Variants in LRFN1 observed in about 807,000 individuals in gnomAD.
LRFN1 encodes leucine-rich repeat and fibronectin type III domain-containing protein 1.
LRFN1 carries 20 observed loss-of-function variants against 31.8 expected under a neutral mutation model. The ratio of observed to expected loss-of-function variants is 0.63; its 90% CI spans 0.44 to 0.91. The LOEUF (loss-of-function observed/expected upper bound fraction) is 0.91. Ranked by LOEUF, LRFN1 falls within the 40% of genes least tolerant of loss-of-function variation. The probability of loss-of-function intolerance (pLI) is 0.00; values close to 1 mark genes in which losing one functional copy is unlikely to be tolerated. For missense variants in LRFN1, 912 were observed against 1,129.8 expected (o/e 0.81, Z 2.76); for synonymous variants, 514 against 541.3 (o/e 0.95, Z 0.70).
At chr19:39,311,171 T>C (rs1403256695) in intron 4 of LRFN1, among the ~76,000 whole-genome samples, 1 of 152,138 alleles carries the variant, frequency 6.6e-6, no homozygotes, top group East Asian at 1.9e-4. Flanking sequence ...GCTGCAGAAT[T>C]AAAGCAAGCA....
intron 1 of LRFN1, among the ~76,000 whole-genome samples, chr19:39,320,268 C>T (rs1384490545): frequency 6.6e-6 from 1 of 151,548 alleles, no homozygotes; most frequent in African/African-American, 2.4e-5. Context: ...CTGCCGTGGA[C>T]TCACAGATAC....
Position 39,314,732 on chromosome 19 carries a change from G to A in LRFN1, c.605C>T (p.Ala202Val), listed in dbSNP as rs748368845. 1 of 1,613,200 alleles carries A rather than the reference G, an allele frequency of 6.2e-7. No homozygotes were observed. Among genetic ancestry groups the A allele is most frequent in the Non-Finnish European group, 8.5e-7 (1 of 1,179,502 alleles). The change falls in exon 4 of 5, where the codon GCG (alanine) becomes GTG (valine). Residue 202 changes from alanine to valine, a missense_variant. Around this residue, in one of 2 missense-constraint regions of LRFN1, gnomAD observed 401 missense variants for 572.7 expected, o/e 0.70. Transcript: ENST00000248668. ...GTGAAGCTGCACGAAGGTCCCCTCC[G>A]CGATGTGGTCGATGAGGTTGTGGTC... ...TLDHNLIDHI[A>V]EGTFVQLHKL...
chr19:39,316,797 C>G (rs551492408), intron 2 of LRFN1, among the ~76,000 whole-genome samples: 3 of 152,104 alleles, frequency 2.0e-5, no homozygotes, highest in Non-Finnish European at 4.4e-5. Context: ...CTGCAGCCCA[C>G]GACATGTCAG....
intron 1 of LRFN1, among the ~76,000 whole-genome samples, chr19:39,319,281 C>G (rs558649783): frequency 1.3e-5 from 2 of 152,210 alleles, no homozygotes; most frequent in African/African-American, 4.8e-5. Flanking sequence ...CTTGCACACT[C>G]ACCAGCACAC....
intron 4 of LRFN1, among the ~76,000 whole-genome samples, chr19:39,310,200 C>T (rs1311590217): frequency 6.6e-6 from 1 of 152,206 alleles, no homozygotes; most frequent in African/African-American, 2.4e-5. Flanking sequence ...TCAGGTGATC[C>T]ATCCGCCTCG....
chr19:39,314,021 A>G lies in LRFN1; in HGVS notation c.1316T>C (p.Leu439Pro), dbSNP rs2075160488. 1 of 1,611,940 alleles carries G rather than the reference A, an allele frequency of 6.2e-7. No individual in the cohort carries two copies. The change falls in exon 4 of 5, where the codon CTC (leucine) becomes CCC (proline). Residue 439 changes from leucine (L) to proline (P), a missense_variant. Leu to Pro is a moderately conservative substitution (Grantham distance 98). Around this residue, in one of 2 missense-constraint regions of LRFN1, gnomAD observed 511 missense variants for 557.0 expected, o/e 0.92. Coordinates refer to ENST00000248668, the MANE Select transcript of LRFN1 (RefSeq NM_020862.2). ...AGGCCTCTGGGCTGGCCAGCGGATG[A>G]GCACGGAGTTCGAGGTGAGCTCGGC... ...VAAELTSNSV[L>P]IRWPAQRPVP... is the part of the protein sequence containing the mutation.
chr19:39,317,314 G>A (rs2075175097), intron 2 of LRFN1, among the ~76,000 whole-genome samples: 1 of 152,214 alleles, frequency 6.6e-6, no homozygotes, highest in East Asian at 1.9e-4. Flanking sequence ...CCGGATCGGG[G>A]TGTCCTACCA....
At chr19:39,310,757 A>G (rs1199406618) in intron 4 of LRFN1, among the ~76,000 whole-genome samples, 2 of 151,954 alleles carry the variant, frequency 1.3e-5, no homozygotes, top group African/African-American at 4.8e-5. Flanking sequence ...AGGCCTGCTT[A>G]TCTCTCCGAT....
chr19:39,307,419 G>A lies in LRFN1; in HGVS notation c.*214C>T, dbSNP rs1193936180. On this transcript the variant is annotated 3_prime_UTR_variant, in exon 5 of 5. Coordinates refer to ENST00000248668, the MANE Select transcript of LRFN1 (RefSeq NM_020862.2). The surrounding 1 kb of genome is among the most constrained non-coding windows in gnomAD (Gnocchi z 6.7). ...GGGTCGAGGAGTCCATAGGGGAAGG[G>A]AGGCCGGCAGCCGGTCCCCGAACCC... 1 of 460,084 alleles carries A rather than the reference G, an allele frequency of 2.2e-6. No individual in the cohort carries two copies. Among genetic ancestry groups the A allele is most frequent in the East Asian group, 3.5e-5 (1 of 28,214 alleles). 28.5% of individuals were successfully genotyped at this position (460,084 alleles called of 1,614,324 possible). A position where few individuals can be genotyped will look rare whatever the true frequency, so the allele number is the denominator to read the frequency against.
At chr19:39,311,646 C>T (rs923834177) in intron 4 of LRFN1, among the ~76,000 whole-genome samples, 8 of 152,160 alleles carry the variant, frequency 5.3e-5, no homozygotes, top group Non-Finnish European at 7.3e-5. Context: ...GGGGTCATCA[C>T]GCCTTCATAG....
At chr19:39,313,286 T>C (rs2075157285) in intron 4 of LRFN1, among the ~76,000 whole-genome samples, 2 of 152,184 alleles carry the variant, frequency 1.3e-5, no homozygotes, top group South Asian at 2.1e-4. Flanking sequence ...ATCCCAGCAA[T>C]TTAGGAGGCC....
rs763700642 is a variant in LRFN1 at position 39,314,803 on chromosome 19, C to T, written c.534G>A (p.Pro178=). 6 of 1,613,122 alleles carry T rather than the reference C, an allele frequency of 3.7e-6. No homozygotes were observed. The highest frequency in any genetic ancestry group is 2.2e-5 in the East Asian group (1 of 44,838). Reference sequence around the variant, plus strand: ...TCACCATCTGGCCCACCGCCTCCCACGGCAGGGCCTCCAGGTTGTTGTAGG... The same window carrying T: ...TCACCATCTGGCCCACCGCCTCCCATGGCAGGGCCTCCAGGTTGTTGTAGG... ...DLSYNNLEAL[P]WEAVGQMVNL... Residue 178 remains proline, a synonymous_variant, in exon 4 of 5, where the codon CCG becomes CCA. Coordinates refer to ENST00000248668, the MANE Select transcript of LRFN1 (RefSeq NM_020862.2).
rs71169583 is a variant in LRFN1, at chr19:39,309,478, CAAAAAAAAAAAA to C, written c.1407-948_1407-937del. On this transcript the variant is annotated intron_variant, in intron 4 of 4. Coordinates refer to ENST00000248668, the MANE Select transcript of LRFN1 (RefSeq NM_020862.2). ...ACTCTGTCTCAAAAAACAAACAAAC[CAAAAAAAAAAAA>C]AAAAAAAAAAAAAAAAACCATCTAG... Among the ~76,000 whole-genome samples, 203 of 32,002 alleles carry C rather than the reference CAAAAAAAAAAAA, an allele frequency of 6.3e-3. 4 individuals carry two copies. Among genetic ancestry groups the C allele is most frequent in the African/African-American group, 0.022 (149 of 6,832 alleles). The allele number at this position is 32,002 out of a possible 152,430, so 21.0% of individuals were successfully genotyped here.
At position 39,308,110 on chromosome 19, in the gene LRFN1, G is replaced by A; in HGVS notation, c.1839C>T (p.Ser613=). ...CGACGGCGACGGCGGGGGCAGCCTG[G>A]GACTCCACCTCGCGCAGCGCCTCGT... ...DHYEALREVE[S]QAAPAVAVEA... Residue 613 remains serine, a synonymous_variant, in exon 5 of 5, where the codon TCC becomes TCT. Coordinates refer to ENST00000248668, the MANE Select transcript of LRFN1 (RefSeq NM_020862.2). The surrounding 1 kb of genome is among the most constrained non-coding windows in gnomAD (Gnocchi z 6.2). The A allele has an allele frequency of 6.0e-6, 9 of 1,504,166 alleles. No individual in the cohort carries two copies. Among genetic ancestry groups the A allele is most frequent in the Non-Finnish European group, 8.0e-6 (9 of 1,131,350 alleles). 93.2% of individuals were successfully genotyped at this position (1,504,166 alleles called of 1,614,324 possible). A position where few individuals can be genotyped will look rare whatever the true frequency, so the allele number is the denominator to read the frequency against.
Position 39,315,428 on chromosome 19 carries a change from C to G in LRFN1, c.-37-55G>C. 3.3e-6 allele frequency: 4 copies of G among 1,213,320 alleles called. No homozygotes were observed. The highest frequency in any genetic ancestry group is 4.4e-6 in the Non-Finnish European group (4 of 899,280). The allele number at this position is 1,213,320 out of a possible 1,614,324, so 75.2% of individuals were successfully genotyped here. A position where few individuals can be genotyped will look rare whatever the true frequency, so the allele number is the denominator to read the frequency against. ...GTGGGACTTGGCCGCCATGGGATGT[C>G]CTGCTACGAGTCAGGCCTGGATCCC... On this transcript the variant is annotated intron_variant, in intron 3 of 4. Coordinates refer to ENST00000248668, the MANE Select transcript of LRFN1 (RefSeq NM_020862.2). This position sits in a 1 kb window ranked among gnomAD's most constrained non-coding sequence, Gnocchi z 4.7.
intron 2 of LRFN1, 129 bp from the exon 3 acceptor site, chr19:39,316,265 C>T (rs1328454958): frequency 6.6e-6 from 1 of 152,180 alleles, no homozygotes; most frequent in East Asian, 1.9e-4. Context: ...TCATCATGAT[C>T]ATCAAGTGCT....
At position 39,308,685 on chromosome 19, in the gene LRFN1, G is replaced by A; in HGVS notation, c.1407-143C>T. ...TACTGAGACAACAGCAGCAATTCAA[G>A]CCCCGCCTCCATCAACATATTCCCA... On this transcript the variant is annotated intron_variant, in intron 4 of 4. Transcript: ENST00000248668. This position sits in a 1 kb window ranked among gnomAD's most constrained non-coding sequence, Gnocchi z 6.2. The A allele has an allele frequency of 2.7e-6, 2 of 749,116 alleles. No homozygotes were observed. Among genetic ancestry groups the A allele is most frequent in the Non-Finnish European group, 2.1e-6 (1 of 472,986 alleles). 46.4% of individuals were successfully genotyped at this position (749,116 alleles called of 1,614,324 possible).
intron 4 of LRFN1, among the ~76,000 whole-genome samples, chr19:39,309,717 C>A (rs1425335994): frequency 5.9e-5 from 9 of 152,182 alleles, no homozygotes. Flanking sequence ...GCAACCACCT[C>A]ATATGTTCAT....
Position 39,307,644 on chromosome 19 carries a change from T to A in LRFN1, c.2305A>T (p.Ser769Cys). 1 of 1,437,484 alleles carries A rather than the reference T, an allele frequency of 7.0e-7. No individual in the cohort carries two copies. The highest frequency in any genetic ancestry group is 9.1e-7 in the Non-Finnish European group (1 of 1,104,430). The allele number at this position is 1,437,484 out of a possible 1,614,324, so 89.0% of individuals were successfully genotyped here. A position where few individuals can be genotyped will look rare whatever the true frequency, so the allele number is the denominator to read the frequency against. The part of the protein sequence containing the change: ...AFTSTEWMLE[S>C]TV ...CGCCCGCCCGCCGCTCACACGGTAC[T>A]CTCCAGCATCCACTCGGTGCTGGTG... is the stretch of plus-strand genomic sequence containing the variant. Residue 769 changes from serine (S) to cysteine (C), a missense_variant, in exon 5 of 5, where the codon AGT becomes TGT. Ser to Cys is a moderately radical substitution (Grantham distance 112, BLOSUM62 -1). This residue lies in a region of LRFN1 where 511 missense variants were observed against 557.0 expected (regional missense o/e 0.92). Transcript: ENST00000248668. The surrounding 1 kb of genome is among the most constrained non-coding windows in gnomAD (Gnocchi z 6.7).
Sources: gnomAD v4.1 joint callset for allele counts (sites outside exome capture counted in the v4.1 genomes callset) on GRCh38, gnomAD v4.1.1 for gene constraint, gnomAD v4.1.1 regional missense constraint, Gnocchi (gnomAD v3.1) non-coding constraint, MANE v1.5 for transcripts, NCBI Gene and HGNC (gene_info 2026-07-23, HGNC 2026-07-21) for gene names.